PEAK1: variants seen among roughly 807,000 people sequenced by gnomAD.
The protein encoded by PEAK1 is pseudopodium enriched atypical kinase 1.
A neutral mutation model predicts 124.7 loss-of-function variants in PEAK1; 54 were observed. The observed-to-expected ratio is 0.43, with a 90% CI of 0.35 to 0.54. PEAK1 has a LOEUF of 0.54. Ranked by LOEUF, PEAK1 falls within the 20% of genes least tolerant of loss-of-function variation. The pLI is 0.01. For synonymous variants in PEAK1, 719 were observed against 760.0 expected (o/e 0.95, Z 0.89); for missense variants, 2,046 against 2,134.5 (o/e 0.96, Z 0.82).
intron 6 of PEAK1, among the ~76,000 whole-genome samples, chr15:77,211,848 C>CAAAAAAAAAAA (rs34360713): frequency 2.0e-5 from 1 of 49,776 alleles, no homozygotes. Context: ...AACTCCATCT[C>CAAAAAAAAAAA]AAAAAAAAAA....
At chr15:77,275,130 A>G (rs1247264913) in intron 5 of PEAK1, among the ~76,000 whole-genome samples, 5 of 152,214 alleles carry the variant, frequency 3.3e-5, no homozygotes, top group Admixed American at 2.0e-4. Flanking sequence ...ATGCAAAGAC[A>G]TAAGAATGAT....
At chr15:77,400,016 A>G (rs529627169) in intron 1 of PEAK1, among the ~76,000 whole-genome samples, 2 of 152,334 alleles carry the variant, frequency 1.3e-5, no homozygotes, top group South Asian at 2.1e-4. Context: ...ATCTCTATAG[A>G]TATTTCTCAA....
intron 8 of PEAK1, among the ~76,000 whole-genome samples, chr15:77,151,082 C>T (rs565856571): frequency 8.5e-5 from 13 of 152,250 alleles, no homozygotes; most frequent in South Asian, 4.1e-4. Flanking sequence ...CCTGAGGCAT[C>T]GCCACACTGA....
chr15:77,206,489 T>C (rs1306695873), intron 6 of PEAK1, among the ~76,000 whole-genome samples: 1 of 149,550 alleles, frequency 6.7e-6, no homozygotes, highest in Admixed American at 6.7e-5. Context: ...CCAGCACCTG[T>C]TGTTTCCTGA....
At chr15:77,303,572 T>C (rs1014924126) in intron 2 of PEAK1, among the ~76,000 whole-genome samples, 1 of 152,230 alleles carries the variant, frequency 6.6e-6, no homozygotes, top group African/African-American at 2.4e-5. Context: ...TCTCTTCAGA[T>C]CTTCTGCCCA....
chr15:77,211,449 A>C (rs2058899832), intron 6 of PEAK1, among the ~76,000 whole-genome samples: 1 of 152,186 alleles, frequency 6.6e-6, no homozygotes, highest in East Asian at 1.9e-4. Flanking sequence ...AGGTGAGTTC[A>C]ATTCTGGCTA....
chr15:77,278,828 G>GT, intron 5 of PEAK1: 2 of 237,112 alleles, frequency 8.4e-6, no homozygotes, highest in South Asian at 7.3e-5. Context: ...GCAAAATTTT[G>GT]TGGGTTTTTT....
At chr15:77,159,131 T>G (rs145563198) in intron 7 of PEAK1, among the ~76,000 whole-genome samples, 17 of 152,288 alleles carry the variant, frequency 1.1e-4, no homozygotes, top group Non-Finnish European at 2.2e-4. Flanking sequence ...ATATATAGTA[T>G]TTAGTACACA....
chr15:77,409,497 T>C (rs1314845512), intron 1 of PEAK1, among the ~76,000 whole-genome samples: 1 of 152,206 alleles, frequency 6.6e-6, no homozygotes, highest in Non-Finnish European at 1.5e-5. Flanking sequence ...ACAATGTTGC[T>C]TACTCTCAGA....
intron 6 of PEAK1, among the ~76,000 whole-genome samples, chr15:77,236,479 T>C (rs1350831495): frequency 1.3e-5 from 2 of 152,218 alleles, no homozygotes; most frequent in Non-Finnish European, 2.9e-5. Flanking sequence ...ATGGGTGTAT[T>C]TACCCAATTC....
chr15:77,292,275 G>C (rs2063260514), intron 2 of PEAK1, among the ~76,000 whole-genome samples: 1 of 152,048 alleles, frequency 6.6e-6, no homozygotes, highest in South Asian at 2.1e-4. Context: ...ACATAACCTT[G>C]TTTTATCTGT....
intron 5 of PEAK1, among the ~76,000 whole-genome samples, chr15:77,255,938 T>C (rs547045346): frequency 2.0e-5 from 3 of 152,156 alleles, no homozygotes; most frequent in Non-Finnish European, 4.4e-5. Context: ...GGTAATAGGG[T>C]CATGTGAAAG....
Position 77,133,289 on chromosome 15 carries a change from C to A in PEAK1, c.3793G>T (p.Gly1265Cys). Residue 1265 changes from glycine to cysteine, a missense_variant, in exon 9 of 10, where the codon GGC (glycine) becomes TGC (cysteine). Physicochemically the swap from Gly to Cys is radical, Grantham distance 159. Coordinates refer to ENST00000682557, the MANE Select transcript of PEAK1 (RefSeq NM_001385026.1). This position sits in a 1 kb window ranked among gnomAD's most constrained non-coding sequence, Gnocchi z 4.2. The part of the protein sequence containing the change: ...SSRRGPSCRQ[G>C]RGIQKPQRQA... ...CTCTGCGGCTTCTGGATGCCTCGGCCCTGTCTGCAAGAGGGCCCACGCCGG... is the reference window on the plus strand; with the variant it reads ...CTCTGCGGCTTCTGGATGCCTCGGCACTGTCTGCAAGAGGGCCCACGCCGG... 6.2e-7 allele frequency: 1 copy of A among 1,614,222 alleles called. No individual in the cohort carries two copies. Among genetic ancestry groups the A allele is most frequent in the Non-Finnish European group, 8.5e-7 (1 of 1,180,036 alleles).
At chr15:77,410,074 T>TA (rs2072270023) in intron 1 of PEAK1, among the ~76,000 whole-genome samples, 2 of 116,398 alleles carry the variant, frequency 1.7e-5, no homozygotes, top group Admixed American at 1.7e-4. Context: ...TGTGTGTGTG[T>TA]GTTTTTTTTT....
intron 6 of PEAK1, among the ~76,000 whole-genome samples, chr15:77,197,959 T>A (rs976483732): frequency 1.3e-5 from 2 of 152,160 alleles, no homozygotes; most frequent in African/African-American, 4.8e-5. Context: ...AAGATAGGTA[T>A]GTCATGAATA....
intron 2 of PEAK1, among the ~76,000 whole-genome samples, chr15:77,340,730 G>A (rs1232091457): frequency 1.3e-5 from 2 of 152,006 alleles, no homozygotes; most frequent in Non-Finnish European, 2.9e-5. Context: ...ATTCAATTCT[G>A]GCACTAACCA....
chr15:77,350,947 A>T, intron 2 of PEAK1: 1 of 985,262 alleles, frequency 1.0e-6, no homozygotes, highest in Non-Finnish European at 1.2e-6. Context: ...AAAGCACTCC[A>T]TTAATTACAC....
At chr15:77,219,371 GTTTAT>G (rs1012042256) in intron 6 of PEAK1, among the ~76,000 whole-genome samples, 152 of 152,198 alleles carry the variant, frequency 1.0e-3, no homozygotes, top group African/African-American at 3.6e-3. Flanking sequence ...TGTACACATT[GTTTAT>G]TTAATAGTGA....
intron 1 of PEAK1, among the ~76,000 whole-genome samples, chr15:77,375,733 C>T (rs1230211597): frequency 6.6e-6 from 1 of 152,108 alleles, no homozygotes; most frequent in Admixed American, 6.5e-5. Context: ...CGGTGGCTCA[C>T]GCCTGTAATC....
Sources: allele counts gnomAD v4.1 joint callset (sites outside exome capture counted in the v4.1 genomes callset), GRCh38; gene constraint gnomAD v4.1.1; non-coding constraint Gnocchi (gnomAD v3.1); transcripts MANE v1.5; gene names NCBI Gene and HGNC (gene_info 2026-07-23, HGNC 2026-07-21).